The following PPARGC1B variants were observed in gnomAD, a reference collection of about 807,000 sequenced individuals.
PPARGC1B encodes the protein peroxisome proliferator-activated receptor gamma coactivator 1-beta.
A neutral mutation model predicts 101.6 loss-of-function variants in PPARGC1B; 34 were observed. That is an observed-to-expected ratio of 0.33 (90% CI 0.25 to 0.45). The LOEUF (loss-of-function observed/expected upper bound fraction) is 0.45. PPARGC1B is among the 20% of genes least tolerant of loss of function. The pLI is 1.00. For synonymous variants in PPARGC1B, 548 were observed against 539.3 expected, an observed-to-expected ratio of 1.02 and a Z score of -0.22; for missense variants, 1,234 against 1,317.6, an observed-to-expected ratio of 0.94 and a Z score of 0.98.
At chr5:149,778,332 A>G (rs1756471927) in intron 1 of PPARGC1B, among the ~76,000 whole-genome samples, 2 of 151,772 alleles carry the variant, frequency 1.3e-5, no homozygotes, top group East Asian at 1.9e-4. Flanking sequence ...CCAGTCTGCA[A>G]CTCCGTGATG....
chr5:149,755,985 C>T (rs780750890), intron 1 of PPARGC1B, among the ~76,000 whole-genome samples: 73 of 152,136 alleles, frequency 4.8e-4, no homozygotes, highest in Admixed American at 4.3e-3. Context: ...GGAGGCACAG[C>T]GGCAGCAGTC....
intron 9 of PPARGC1B, 65 bp downstream of exon 9, chr5:149,840,181 C>A: frequency 6.7e-7 from 1 of 1,492,162 alleles, no homozygotes; most frequent in Non-Finnish European, 9.1e-7. Context: ...GTGGGGGCTT[C>A]ATGGACCAAA....
At chr5:149,815,784 T>G (rs1226132849) in intron 1 of PPARGC1B, among the ~76,000 whole-genome samples, 4 of 152,146 alleles carry the variant, frequency 2.6e-5, no homozygotes, top group Admixed American at 2.6e-4. Flanking sequence ...TGACTTCAAG[T>G]GATCTGCCCG....
intron 6 of PPARGC1B, among the ~76,000 whole-genome samples, 163 bp from the exon 7 acceptor site, chr5:149,835,138 C>T (rs45623445): frequency 0.016 from 2,508 of 152,332 alleles, 30 homozygotes; most frequent in Non-Finnish European, 0.025. Context: ...CTCTAACAGC[C>T]GGGATGGGGT....
chr5:149,840,254 A>G (rs112911540), intron 9 of PPARGC1B, 138 bp downstream of exon 9: 10 of 700,914 alleles, frequency 1.4e-5, no homozygotes, highest in African/African-American at 5.4e-5. Context: ...AGAAGGGACT[A>G]TGGCAACAGC....
At chr5:149,817,500 A>G (rs1420760829) in intron 1 of PPARGC1B, 4 of 340,880 alleles carry the variant, frequency 1.2e-5, no homozygotes, top group African/African-American at 2.2e-5. Flanking sequence ...AAGAGCGTGA[A>G]AAGATAGATT....
chr5:149,845,724 G>C, intron 10 of PPARGC1B, 36 bp from the exon 11 acceptor site: 1 of 1,564,182 alleles, frequency 6.4e-7, no homozygotes, highest in East Asian at 2.3e-5. Flanking sequence ...CACCCAGCCA[G>C]CCCAATAACA....
chr5:149,801,532 G>A (rs1388346927), intron 1 of PPARGC1B, among the ~76,000 whole-genome samples: 1 of 152,176 alleles, frequency 6.6e-6, no homozygotes, highest in Non-Finnish European at 1.5e-5. Flanking sequence ...GTAGGGAGTG[G>A]GTGCTGGTGT....
rs1000201044 is a variant in PPARGC1B at position 149,849,968 on chromosome 5, G to A, written c.*2410G>A. On this transcript the variant is annotated 3_prime_UTR_variant, in exon 12 of 12. Transcript: ENST00000309241. ...GGCACACAATAAATGATTATGGAATGGGATAAAATTTAGATCTTTCTGCTG... is the reference window on the plus strand; with the variant it reads ...GGCACACAATAAATGATTATGGAATAGGATAAAATTTAGATCTTTCTGCTG... 3 of 152,160 alleles carry A rather than the reference G, an allele frequency of 2.0e-5. No homozygotes were observed. Among genetic ancestry groups the A allele is most frequent in the African/African-American group, 7.2e-5 (3 of 41,430 alleles). The allele number at this position is 152,160 out of a possible 1,614,324, so 9.4% of individuals were successfully genotyped here.
At chr5:149,781,091 G>C (rs1756580166) in intron 1 of PPARGC1B, among the ~76,000 whole-genome samples, 2 of 152,086 alleles carry the variant, frequency 1.3e-5, no homozygotes, top group African/African-American at 2.4e-5. Flanking sequence ...TGTCATCCCA[G>C]CTACTTGGGA....
rs762471952 is a variant in PPARGC1B, at chr5:149,836,850, A to G, written c.2395A>G (p.Ser799Gly). ...TGTCTTTGAAGACAGCAGCAGCAGC[A>G]GCGGCGAGAGCAGCTTCCTCCCAGA... ...DTVFEDSSSS[S>G]GESSFLPEEE... is the part of the protein sequence containing the mutation. The change falls in exon 8 of 12, where the codon AGC becomes GGC. Residue 799 changes from serine to glycine, a missense_variant. Physicochemically the swap from Ser to Gly is moderately conservative, Grantham distance 56 (BLOSUM62 0). Coordinates refer to ENST00000309241, the MANE Select transcript of PPARGC1B (RefSeq NM_133263.4). 7.4e-6 allele frequency: 12 copies of G among 1,612,608 alleles called. No homozygotes were observed. Among genetic ancestry groups the G allele is most frequent in the Middle Eastern group, 3.3e-4 (2 of 6,082 alleles).
At chr5:149,857,931 T>C (rs1759998840), downstream of PPARGC1B, 2 of 152,240 alleles carry the variant, frequency 1.3e-5, no homozygotes, top group African/African-American at 4.8e-5. Context: ...CTGCATAACA[T>C]TCAGTGTGGA....
intron 1 of PPARGC1B, among the ~76,000 whole-genome samples, chr5:149,743,301 G>A (rs1347364219): frequency 5.3e-5 from 8 of 151,740 alleles, no homozygotes; most frequent in African/African-American, 1.9e-4. Flanking sequence ...GATTACAGAC[G>A]CCCACCACCA....
intron 1 of PPARGC1B, among the ~76,000 whole-genome samples, chr5:149,799,529 C>T (rs184077067): frequency 1.1e-4 from 16 of 152,172 alleles, no homozygotes; most frequent in Middle Eastern, 6.8e-3. Context: ...CTGAACCAGG[C>T]CCTGAGGCTC....
chr5:149,852,124 A>G lies in PPARGC1B; in HGVS notation c.*4566A>G, dbSNP rs1456686597. 6.6e-6 allele frequency: 1 copy of G among 152,200 alleles called. No homozygotes were observed. Among genetic ancestry groups the G allele is most frequent in the African/African-American group, 2.4e-5 (1 of 41,414 alleles). 9.4% of individuals were successfully genotyped at this position (152,200 alleles called of 1,614,324 possible). Reference sequence around the variant, plus strand: ...CTGGCCTTTTGTTGGAAGCCCTTGAAACAGGGAGCCATGGGTTTAGATCTT... The same window carrying G: ...CTGGCCTTTTGTTGGAAGCCCTTGAGACAGGGAGCCATGGGTTTAGATCTT... On this transcript the variant is annotated 3_prime_UTR_variant, in exon 12 of 12. Transcript: ENST00000309241.
intron 3 of PPARGC1B, 76 bp downstream of exon 3, chr5:149,826,961 G>T: frequency 1.7e-6 from 2 of 1,147,634 alleles, no homozygotes; most frequent in Non-Finnish European, 2.5e-6. Context: ...GGGGTGCAGA[G>T]CAATCCGCTC....
chr5:149,789,700 C>T (rs1381115621), intron 1 of PPARGC1B, among the ~76,000 whole-genome samples: 1 of 152,234 alleles, frequency 6.6e-6, no homozygotes, highest in Admixed American at 6.5e-5. Context: ...TGCAGTAGTG[C>T]AGGCAGCCTG....
chr5:149,744,258 T>TA (rs1425439819), intron 1 of PPARGC1B, among the ~76,000 whole-genome samples: 3 of 152,188 alleles, frequency 2.0e-5, no homozygotes, highest in African/African-American at 7.2e-5. Context: ...ACATGGTTCT[T>TA]ACAAGCTTGG....
At chr5:149,828,247 C>T (rs932861929) in intron 3 of PPARGC1B, among the ~76,000 whole-genome samples, 1 of 152,224 alleles carries the variant, frequency 6.6e-6, no homozygotes, top group Non-Finnish European at 1.5e-5. Flanking sequence ...CATTATGGCT[C>T]CTGCCGAGAG....
Sources: allele counts gnomAD v4.1 joint callset (sites outside exome capture counted in the v4.1 genomes callset), GRCh38; gene constraint gnomAD v4.1.1; transcripts MANE v1.5; gene names NCBI Gene and HGNC (gene_info 2026-07-23, HGNC 2026-07-21).